Variants in MARCHF1 observed in about 807,000 individuals in gnomAD.
MARCHF1 encodes E3 ubiquitin-protein ligase MARCHF1.
Under a neutral mutation model 54.2 loss-of-function variants are expected in MARCHF1, and 40 were observed. The observed-to-expected ratio is 0.74, with a 90% CI of 0.57 to 0.96. The LOEUF (loss-of-function observed/expected upper bound fraction) is 0.96. Among genes scored for constraint, MARCHF1 ranks in the 40% least tolerant of loss-of-function variants. MARCHF1 has a pLI of 0.00. For synonymous variants in MARCHF1, 236 were observed against 236.3 expected, an observed-to-expected ratio of 1.00 and a Z score of 0.01; for missense variants, 586 against 656.5, an observed-to-expected ratio of 0.89 and a Z score of 1.17.
chr4:164,116,228 T>C (rs544447253), intron 1 of MARCHF1, among the ~76,000 whole-genome samples: 1 of 152,278 alleles, frequency 6.6e-6, no homozygotes, highest in East Asian at 1.9e-4. Flanking sequence ...ATAATAAATA[T>C]ATAAATTCTA....
chr4:164,227,428 A>G (rs1228295369), intron 1 of MARCHF1, among the ~76,000 whole-genome samples: 1 of 152,148 alleles, frequency 6.6e-6, no homozygotes, highest in Non-Finnish European at 1.5e-5. Context: ...GTGGGGACAC[A>G]GAGCCAAACC....
At chr4:164,232,011 A>G (rs777153785) in intron 1 of MARCHF1, among the ~76,000 whole-genome samples, 57 of 152,160 alleles carry the variant, frequency 3.7e-4, no homozygotes, top group Non-Finnish European at 6.9e-4. Flanking sequence ...GTGACTGACC[A>G]GTAAGAAATT....
intron 3 of MARCHF1, among the ~76,000 whole-genome samples, chr4:163,909,211 G>T (rs899230113): frequency 6.6e-6 from 1 of 152,064 alleles, no homozygotes; most frequent in African/African-American, 2.4e-5. Context: ...TAATTAAATT[G>T]TGTTCACACA....
At chr4:164,065,658 G>C (rs1754711052) in intron 2 of MARCHF1, among the ~76,000 whole-genome samples, 1 of 152,166 alleles carries the variant, frequency 6.6e-6, no homozygotes, top group Admixed American at 6.5e-5. Context: ...TAGGCCATCT[G>C]TAAGCTGAGG....
In MARCHF1 at chr4:163,585,900, C is replaced by T. The variant is rs113790828; in HGVS notation, c.1040G>A (p.Ser347Asn). The change falls in exon 8 of 10, where the codon AGC becomes AAC. Residue 347 changes from serine to asparagine, a missense_variant. Coordinates refer to ENST00000514618, the MANE Select transcript of MARCHF1 (RefSeq NM_001394959.1). Reference sequence around the variant, plus strand: ...GCAGCGACAGGGTGTGATGAGGGGGCTCTCTTCATCCCCTTCGCAGTGACA... The same window carrying T: ...GCAGCGACAGGGTGTGATGAGGGGGTTCTCTTCATCCCCTTCGCAGTGACA... ...RICHCEGDEESPLITPCRCTG... is the reference protein window; with the variant it reads ...RICHCEGDEENPLITPCRCTG... 17,388 of 1,611,846 alleles carry T rather than the reference C, an allele frequency of 0.011. 182 individuals carry two copies. Among genetic ancestry groups the T allele is most frequent in the South Asian group, 0.04 (3,631 of 90,728 alleles).
intron 1 of MARCHF1, among the ~76,000 whole-genome samples, chr4:164,345,028 A>C (rs992252385): frequency 1.3e-5 from 2 of 152,210 alleles, no homozygotes; most frequent in African/African-American, 2.4e-5. Flanking sequence ...TTAGTAGGCC[A>C]AAACGTTACA....
intron 1 of MARCHF1, among the ~76,000 whole-genome samples, chr4:164,179,123 T>C (rs1343194211): frequency 6.6e-6 from 1 of 152,152 alleles, no homozygotes; most frequent in African/African-American, 2.4e-5. Flanking sequence ...TATAAGTGGT[T>C]TATCAATGAG....
At chr4:164,342,451 C>T (rs771420124) in intron 1 of MARCHF1, among the ~76,000 whole-genome samples, 2 of 151,792 alleles carry the variant, frequency 1.3e-5, no homozygotes, top group Non-Finnish European at 2.9e-5. Context: ...CTCGTCATTA[C>T]CAACATGGCA....
chr4:163,890,727 A>G (rs983961154), intron 3 of MARCHF1, among the ~76,000 whole-genome samples: 2 of 152,018 alleles, frequency 1.3e-5, no homozygotes, highest in Non-Finnish European at 2.9e-5. Flanking sequence ...ATAATTGTGT[A>G]TAATTACTTT....
chr4:163,717,059 A>C (rs1306518637), intron 4 of MARCHF1, among the ~76,000 whole-genome samples: 2 of 151,608 alleles, frequency 1.3e-5, no homozygotes, highest in Non-Finnish European at 2.9e-5. Context: ...GGTTTGTTAC[A>C]TATGTATACA....
intron 1 of MARCHF1, among the ~76,000 whole-genome samples, chr4:164,226,999 C>T (rs1732277131): frequency 6.6e-6 from 1 of 152,100 alleles, no homozygotes; most frequent in African/African-American, 2.4e-5. Flanking sequence ...TTCCATTCCA[C>T]ATTTTTACAG....
chr4:164,037,975 G>A (rs1181957315), intron 2 of MARCHF1, among the ~76,000 whole-genome samples: 1 of 152,160 alleles, frequency 6.6e-6, no homozygotes, highest in Admixed American at 6.6e-5. Flanking sequence ...GGTTTAAGGA[G>A]GAGATGGTGG....
intron 9 of MARCHF1, among the ~76,000 whole-genome samples, chr4:163,540,869 C>T (rs1738699795): frequency 1.3e-5 from 2 of 152,108 alleles, no homozygotes; most frequent in Non-Finnish European, 2.9e-5. Context: ...AAAAAATTAG[C>T]TGGGCACGGT....
At chr4:163,627,881 A>C (rs1385934970) in intron 5 of MARCHF1, among the ~76,000 whole-genome samples, 1 of 152,124 alleles carries the variant, frequency 6.6e-6, no homozygotes, top group Non-Finnish European at 1.5e-5. Flanking sequence ...ACATAGCCAC[A>C]TGCAAGAAAA....
chr4:164,256,410 C>A (rs1579665519), intron 1 of MARCHF1, among the ~76,000 whole-genome samples: 2 of 109,694 alleles, frequency 1.8e-5, no homozygotes, highest in Non-Finnish European at 1.9e-5. Context: ...AAAATGTGAA[C>A]TAACTTGTAG....
At chr4:164,128,589 T>C (rs1221084716) in intron 1 of MARCHF1, among the ~76,000 whole-genome samples, 2 of 152,050 alleles carry the variant, frequency 1.3e-5, no homozygotes, top group Non-Finnish European at 2.9e-5. Context: ...ATCTATCAGG[T>C]TGGCAAAATT....
intron 3 of MARCHF1, among the ~76,000 whole-genome samples, chr4:163,927,182 C>T (rs1278898995): frequency 6.6e-6 from 1 of 151,654 alleles, no homozygotes; most frequent in African/African-American, 2.4e-5. Flanking sequence ...GATGGAAAAG[C>T]GCAACTTGAT....
At chr4:164,273,824 C>T (rs1387779309) in intron 1 of MARCHF1, among the ~76,000 whole-genome samples, 2 of 152,110 alleles carry the variant, frequency 1.3e-5, no homozygotes, top group Non-Finnish European at 2.9e-5. Context: ...TGAAGATGTC[C>T]TGGCTTATTC....
At chr4:164,262,335 C>G (rs1301288133) in intron 1 of MARCHF1, among the ~76,000 whole-genome samples, 1 of 152,060 alleles carries the variant, frequency 6.6e-6, no homozygotes, top group African/African-American at 2.4e-5. Flanking sequence ...CCCCACAACA[C>G]CAAACAAGTG....
Sources: gnomAD v4.1 joint callset for allele counts (sites outside exome capture counted in the v4.1 genomes callset) on GRCh38, gnomAD v4.1.1 for gene constraint, MANE v1.5 for transcripts, NCBI Gene and HGNC (gene_info 2026-07-23, HGNC 2026-07-21) for gene names.